The following FBXO34 variants were observed in gnomAD, a reference collection of about 807,000 sequenced individuals.
FBXO34 encodes F-box only protein 34.
FBXO34 carries 12 observed loss-of-function variants against 24.5 expected under a neutral mutation model. That is an observed-to-expected ratio of 0.49 (90% confidence interval 0.31 to 0.79). The LOEUF (loss-of-function observed/expected upper bound fraction) is 0.79. Among genes scored for constraint, FBXO34 ranks in the 30% least tolerant of loss-of-function variants. FBXO34 has a pLI of 0.04. For missense variants in FBXO34, 823 were observed against 857.7 expected (o/e 0.96, Z 0.51); for synonymous variants, 320 against 311.9 (o/e 1.03, Z -0.27).
At chr14:55,340,675 A>G (rs974516689) in intron 1 of FBXO34, among the ~76,000 whole-genome samples, 1 of 152,186 alleles carries the variant, frequency 6.6e-6, no homozygotes, top group Admixed American at 6.5e-5. Flanking sequence ...TACTTGGCCT[A>G]AGATCATTGT....
the FBXO34 span, among the ~76,000 whole-genome samples, chr14:55,415,726 C>T: frequency 0.056 from 8,588 of 152,022 alleles, 320 homozygotes; most frequent in South Asian, 0.083. Context: ...GAAAATTAGG[C>T]GTGGCGGTGG....
At chr14:55,283,856 T>C (rs1881647576) in intron 1 of FBXO34, among the ~76,000 whole-genome samples, 1 of 152,200 alleles carries the variant, frequency 6.6e-6, no homozygotes, top group Non-Finnish European at 1.5e-5. Context: ...ATACTAACTT[T>C]ACTGGAGAGT....
At chr14:55,292,663 T>G (rs1881981293) in intron 1 of FBXO34, among the ~76,000 whole-genome samples, 3 of 152,132 alleles carry the variant, frequency 2.0e-5, no homozygotes, top group Non-Finnish European at 4.4e-5. Flanking sequence ...CTGTACTTAC[T>G]TTTAAAGTAG....
chr14:55,371,908 T>C (rs1269223027), downstream of FBXO34, among the ~76,000 whole-genome samples: 1 of 151,934 alleles, frequency 6.6e-6, no homozygotes, highest in Non-Finnish European at 1.5e-5. Context: ...GTGAAAGGAG[T>C]AGGACTTTCT....
the FBXO34 span, among the ~76,000 whole-genome samples, chr14:55,416,808 C>G: frequency 6.6e-6 from 1 of 152,198 alleles, no homozygotes; most frequent in African/African-American, 2.4e-5. Flanking sequence ...ACACATGCCC[C>G]TCTCCCAAAA....
At chr14:55,372,280 A>G (rs532782121), downstream of FBXO34, among the ~76,000 whole-genome samples, 20 of 147,728 alleles carry the variant, frequency 1.4e-4, no homozygotes, top group South Asian at 6.5e-4. Context: ...GGTCCTCACC[A>G]TATCACCACC....
chr14:55,287,524 A>C (rs1881802943), intron 1 of FBXO34, among the ~76,000 whole-genome samples: 1 of 152,254 alleles, frequency 6.6e-6, no homozygotes, highest in African/African-American at 2.4e-5. Flanking sequence ...CAATAGCATC[A>C]CCAGAATATG....
At chr14:55,427,546 C>G in the FBXO34 span, among the ~76,000 whole-genome samples, 1 of 152,230 alleles carries the variant, frequency 6.6e-6, no homozygotes, top group South Asian at 2.1e-4. Context: ...AATGAAAGAA[C>G]TTCAGTTCCA....
chr14:55,278,609 A>T (rs1881423874), intron 1 of FBXO34, among the ~76,000 whole-genome samples: 1 of 152,250 alleles, frequency 6.6e-6, no homozygotes, highest in Non-Finnish European at 1.5e-5. Flanking sequence ...GTCCAGAGGA[A>T]AATACATAGG....
intron 1 of FBXO34, among the ~76,000 whole-genome samples, chr14:55,341,178 A>G (rs941045754): frequency 5.9e-5 from 9 of 152,320 alleles, no homozygotes; most frequent in Middle Eastern, 3.4e-3. Flanking sequence ...AAGGTAAACT[A>G]CTAAGAGGAA....
chr14:55,309,986 TC>T (rs1882681476), intron 1 of FBXO34, among the ~76,000 whole-genome samples: 1 of 152,178 alleles, frequency 6.6e-6, no homozygotes, highest in Admixed American at 6.6e-5. Context: ...AGGCAGCTAT[TC>T]CCAGGAGAAG....
the FBXO34 span, among the ~76,000 whole-genome samples, chr14:55,401,950 G>A: frequency 1.3e-5 from 2 of 152,210 alleles, no homozygotes; most frequent in Non-Finnish European, 2.9e-5. Flanking sequence ...AATGACGGGA[G>A]TATGCTACTA....
intron 1 of FBXO34, among the ~76,000 whole-genome samples, chr14:55,293,350 G>C (rs1183053126): frequency 6.6e-6 from 1 of 151,828 alleles, no homozygotes; most frequent in African/African-American, 2.4e-5. Flanking sequence ...GCTAATTTTT[G>C]TGTTTTTAGT....
chr14:55,436,848 G>T, the FBXO34 span: 40 of 1,614,016 alleles, frequency 2.5e-5, no homozygotes, highest in Non-Finnish European at 3.1e-5. Context: ...TATTTTCCTG[G>T]GTAACTTCAT....
chr14:55,279,352 A>G (rs1024882447), intron 1 of FBXO34, among the ~76,000 whole-genome samples: 1 of 151,968 alleles, frequency 6.6e-6, no homozygotes, highest in Non-Finnish European at 1.5e-5. Context: ...GATGAGTATT[A>G]TTACTATTTG....
downstream of FBXO34, chr14:55,369,588 T>A (rs777084059): frequency 1.4e-6 from 2 of 1,462,138 alleles, no homozygotes; most frequent in African/African-American, 2.8e-5. Flanking sequence ...ACTTTCTTGA[T>A]GCAGATTTGG....
At chr14:55,331,125 C>T (rs1883518592) in intron 1 of FBXO34, among the ~76,000 whole-genome samples, 1 of 152,128 alleles carries the variant, frequency 6.6e-6, no homozygotes, top group Non-Finnish European at 1.5e-5. Flanking sequence ...GAAGAAAATT[C>T]ACCAAGGTTA....
At chr14:55,313,091 G>C (rs1171621587) in intron 1 of FBXO34, among the ~76,000 whole-genome samples, 2 of 151,958 alleles carry the variant, frequency 1.3e-5, no homozygotes, top group Admixed American at 6.6e-5. Flanking sequence ...TGAATGCTTA[G>C]AACTGAATGC....
chr14:55,404,859 A>C, the FBXO34 span, among the ~76,000 whole-genome samples: 1 of 152,226 alleles, frequency 6.6e-6, no homozygotes, highest in Non-Finnish European at 1.5e-5. Context: ...CCCAGGAGTA[A>C]GTCAGCCACA....
Sources: gnomAD v4.1 joint callset for allele counts (sites outside exome capture counted in the v4.1 genomes callset) on GRCh38, gnomAD v4.1.1 for gene constraint, MANE v1.5 for transcripts, NCBI Gene and HGNC (gene_info 2026-07-23, HGNC 2026-07-21) for gene names.